Variants in FRMD6 observed in about 807,000 individuals in gnomAD.
FRMD6 encodes the protein FERM domain containing 6, also known as FERM domain-containing protein 6.
In FRMD6, 37 loss-of-function variants were observed where a neutral mutation model predicts 73.2. That is an observed-to-expected ratio of 0.51 (90% CI 0.39 to 0.66). The LOEUF is 0.66. FRMD6 is among the 30% of genes least tolerant of loss of function. The pLI is 0.00. For synonymous variants in FRMD6, 273 were observed against 282.2 expected, an observed-to-expected ratio of 0.97 and a Z score of 0.33; for missense variants, 714 against 780.5, an observed-to-expected ratio of 0.91 and a Z score of 1.02.
At chr14:51,603,496 C>T (rs1890121200) in intron 2 of FRMD6, among the ~76,000 whole-genome samples, 1 of 151,936 alleles carries the variant, frequency 6.6e-6, no homozygotes, top group South Asian at 2.1e-4. Flanking sequence ...TGAACAAATA[C>T]TACTTTTATA....
chr14:51,417,042 A>G, the FRMD6 span, among the ~76,000 whole-genome samples: 2,000 of 151,942 alleles, frequency 0.013, 42 homozygotes, highest in African/African-American at 0.045. Flanking sequence ...TTGAGCCTAT[A>G]TGTGTCTCTG....
intron 1 of FRMD6, among the ~76,000 whole-genome samples, chr14:51,657,517 A>T (rs953991963): frequency 9.2e-5 from 14 of 152,226 alleles, no homozygotes; most frequent in African/African-American, 3.4e-4. Context: ...CATGTGATAT[A>T]TCCAAATTGA....
intron 13 of FRMD6, 29 bp from the exon 14 acceptor site, chr14:51,727,716 A>T (rs749611006): frequency 3.2e-6 from 5 of 1,569,032 alleles, no homozygotes; most frequent in Non-Finnish European, 4.3e-6. Context: ...TTCACTTTAA[A>T]GTTGTTTCAT....
chr14:51,628,726 A>G (rs1439485354), intron 2 of FRMD6, among the ~76,000 whole-genome samples: 3 of 127,728 alleles, frequency 2.3e-5, no homozygotes. Flanking sequence ...ACTTGAACCC[A>G]GGTGGCAGAG....
At chr14:51,691,594 T>A (rs997389705) in intron 2 of FRMD6, among the ~76,000 whole-genome samples, 26 of 83,368 alleles carry the variant, frequency 3.1e-4, no homozygotes, top group Non-Finnish European at 5.4e-4. Context: ...TTTGATTTTT[T>A]TTTTTTTTTT....
intron 7 of FRMD6, among the ~76,000 whole-genome samples, chr14:51,710,685 A>G (rs1358796993): frequency 2.0e-5 from 3 of 152,196 alleles, no homozygotes; most frequent in African/African-American, 4.8e-5. Flanking sequence ...ACTAAGCTTA[A>G]AAAGATCTCT....
chr14:51,439,578 T>C, the FRMD6 span, among the ~76,000 whole-genome samples: 3 of 152,156 alleles, frequency 2.0e-5, no homozygotes, highest in Non-Finnish European at 2.9e-5. Flanking sequence ...GGAAGGCAGG[T>C]CCACAGTAAG....
chr14:51,469,530 G>A, the FRMD6 span, among the ~76,000 whole-genome samples: 40 of 149,790 alleles, frequency 2.7e-4, no homozygotes, highest in African/African-American at 7.3e-4. Flanking sequence ...GGAGAATGGC[G>A]TGAACCCGGG....
intron 1 of FRMD6, among the ~76,000 whole-genome samples, chr14:51,682,392 C>G (rs1894862364): frequency 6.6e-6 from 1 of 150,888 alleles, no homozygotes; most frequent in Non-Finnish European, 1.5e-5. Flanking sequence ...AAGTAAATAT[C>G]AATGTTGGTA....
intron 1 of FRMD6, among the ~76,000 whole-genome samples, chr14:51,562,224 C>T (rs940483182): frequency 6.6e-6 from 1 of 152,206 alleles, no homozygotes; most frequent in East Asian, 1.9e-4. Flanking sequence ...AAATATCTTG[C>T]TTTCTTAATC....
At chr14:51,623,720 T>C (rs561758534) in intron 2 of FRMD6, among the ~76,000 whole-genome samples, 2 of 152,224 alleles carry the variant, frequency 1.3e-5, no homozygotes, top group Non-Finnish European at 2.9e-5. Flanking sequence ...CACAGTACTC[T>C]ACCATGTGTT....
the FRMD6 span, among the ~76,000 whole-genome samples, chr14:51,419,152 C>T: frequency 3.9e-3 from 599 of 152,286 alleles, 2 homozygotes; most frequent in East Asian, 8.9e-3. Flanking sequence ...GGTGATGCCC[C>T]GCCCTGCTTC....
chr14:51,470,986 A>G, the FRMD6 span, among the ~76,000 whole-genome samples: 2 of 152,218 alleles, frequency 1.3e-5, no homozygotes, highest in South Asian at 2.1e-4. Flanking sequence ...TGTTTGTTCC[A>G]TAAATGCCAG....
chr14:51,483,306 C>T, the FRMD6 span, among the ~76,000 whole-genome samples: 1 of 152,212 alleles, frequency 6.6e-6, no homozygotes, highest in African/African-American at 2.4e-5. Context: ...CAAGTACTTA[C>T]ATTCTAACTG....
chr14:51,453,303 C>T, the FRMD6 span, among the ~76,000 whole-genome samples: 1 of 151,954 alleles, frequency 6.6e-6, no homozygotes, highest in Admixed American at 6.6e-5. Flanking sequence ...ATCCAACATA[C>T]TCTGGGACTG....
intron 13 of FRMD6, 29 bp from the exon 14 acceptor site, chr14:51,727,716 A>C (rs749611006): frequency 6.4e-7 from 1 of 1,568,914 alleles, no homozygotes; most frequent in African/African-American, 1.4e-5. Context: ...TTCACTTTAA[A>C]GTTGTTTCAT....
chr14:51,417,481 C>G, the FRMD6 span, among the ~76,000 whole-genome samples: 15 of 152,182 alleles, frequency 9.9e-5, no homozygotes, highest in Admixed American at 9.8e-4. Flanking sequence ...ATATTGGCCC[C>G]CACTCTCTTC....
chr14:51,682,482 TAGAG>T lies in FRMD6; in HGVS notation c.-146-7206_-146-7203del, dbSNP rs530132695. 6.7e-3 allele frequency among the ~76,000 whole-genome samples: 1,026 copies of T among 152,300 alleles called. 14 individuals carry two copies. The highest frequency in any genetic ancestry group is 0.024 in the African/African-American group (981 of 41,562). Reference sequence around the variant, plus strand: ...AGCTTCTTGTTTGGATTATCTGTATTAGAGAGGACTTACTCTGTTGCAAGTGGCA... The same window carrying T: ...AGCTTCTTGTTTGGATTATCTGTATTAGGACTTACTCTGTTGCAAGTGGCA... On this transcript the variant is annotated intron_variant, in intron 1 of 13. Transcript: ENST00000344768.
the FRMD6 span, among the ~76,000 whole-genome samples, chr14:51,473,752 G>A: frequency 6.6e-6 from 1 of 151,924 alleles, no homozygotes; most frequent in Non-Finnish European, 1.5e-5. Flanking sequence ...TGAGGCAGGA[G>A]CATCTTTATC....
Sources: gnomAD v4.1 joint callset for allele counts (sites outside exome capture counted in the v4.1 genomes callset) on GRCh38, gnomAD v4.1.1 for gene constraint, MANE v1.5 for transcripts, NCBI Gene and HGNC (gene_info 2026-07-23, HGNC 2026-07-21) for gene names.